NR1H4: variants seen among roughly 807,000 people sequenced by gnomAD.
NR1H4 encodes the protein nuclear receptor subfamily 1 group H member 4, also known as bile acid receptor.
NR1H4 carries 23 observed loss-of-function variants against 58.5 expected under a neutral mutation model. That is an observed-to-expected ratio of 0.39 (90% CI 0.28 to 0.56). NR1H4 has a LOEUF of 0.56. Ranked by LOEUF, NR1H4 falls within the 20% of genes least tolerant of loss-of-function variation. NR1H4 has a pLI of 0.58. For missense variants in NR1H4, 487 were observed against 576.9 expected (o/e 0.84, Z 1.60); for synonymous variants, 214 against 198.0 (o/e 1.08, Z -0.68).
chr12:100,534,450 A>G (rs1954767930), intron 5 of NR1H4, among the ~76,000 whole-genome samples: 1 of 152,192 alleles, frequency 6.6e-6, no homozygotes, highest in South Asian at 2.1e-4. Context: ...AATAATATTA[A>G]TGGCATGTTT....
chr12:100,524,180 G>A (rs763893974), intron 4 of NR1H4, among the ~76,000 whole-genome samples: 5 of 152,070 alleles, frequency 3.3e-5, no homozygotes, highest in South Asian at 2.1e-4. Flanking sequence ...TAAAAGAAAC[G>A]TCTTAAAGCA....
intron 3 of NR1H4, among the ~76,000 whole-genome samples, chr12:100,504,059 G>GC (rs1555332317): frequency 6.6e-6 from 1 of 151,430 alleles, no homozygotes; most frequent in African/African-American, 2.4e-5. Flanking sequence ...GTAGGTTGTG[G>GC]TAAAAAAAAA....
chr12:100,534,853 C>G (rs985356761), intron 5 of NR1H4, 37 bp from the exon 6 acceptor site: 9 of 1,613,570 alleles, frequency 5.6e-6, no homozygotes, highest in Non-Finnish European at 7.6e-6. Flanking sequence ...ACAGTACTTT[C>G]TGTGATTGGT....
chr12:100,476,181 C>T (rs982241169), intron 1 of NR1H4, among the ~76,000 whole-genome samples: 2 of 152,172 alleles, frequency 1.3e-5, no homozygotes, highest in Non-Finnish European at 2.9e-5. Context: ...CCTGGCTACT[C>T]TGATATTGGC....
Position 100,500,864 on chromosome 12 carries a change from T to A in NR1H4, c.79+7462T>A, listed in dbSNP as rs112262553. Among the ~76,000 whole-genome samples the A allele has an allele frequency of 7.3e-3, 1,114 of 152,286 alleles. 12 individuals carry two copies. Among genetic ancestry groups the A allele is most frequent in the African/African-American group, 0.026 (1,067 of 41,566 alleles). ...GAACTGTGAGTCAATTAAACCTTTT[T>A]TCTTCATAAATTGCCCAGTCTTGGA... On this transcript the variant is annotated intron_variant, in intron 3 of 10. Coordinates refer to ENST00000392986, the MANE Select transcript of NR1H4 (RefSeq NM_001206979.2).
chr12:100,532,716 T>A, intron 5 of NR1H4, 106 bp downstream of exon 5: 1 of 983,276 alleles, frequency 1.0e-6, no homozygotes, highest in Non-Finnish European at 1.5e-6. Flanking sequence ...AGGAACCTAC[T>A]AAGCCATCTA....
intron 6 of NR1H4, among the ~76,000 whole-genome samples, chr12:100,535,371 A>G (rs1339628832): frequency 1.3e-5 from 2 of 152,244 alleles, no homozygotes; most frequent in Non-Finnish European, 2.9e-5. Flanking sequence ...TGGGAAGAAC[A>G]TGGTCTCAAT....
chr12:100,479,076 G>C (rs1475049585), intron 1 of NR1H4, among the ~76,000 whole-genome samples: 1 of 151,796 alleles, frequency 6.6e-6, no homozygotes, highest in Non-Finnish European at 1.5e-5. Context: ...CTCTTGGGTT[G>C]TTTATCCTTT....
intron 9 of NR1H4, among the ~76,000 whole-genome samples, chr12:100,559,860 C>T (rs1455864683): frequency 6.6e-6 from 1 of 152,206 alleles, no homozygotes; most frequent in African/African-American, 2.4e-5. Flanking sequence ...CTGGTGGGGA[C>T]GTGGAGAGTC....
intron 9 of NR1H4, among the ~76,000 whole-genome samples, chr12:100,544,715 C>T (rs1955019408): frequency 6.6e-6 from 1 of 152,034 alleles, no homozygotes. Context: ...GAAGGTTTGT[C>T]CGGAGCTATA....
intron 4 of NR1H4, among the ~76,000 whole-genome samples, chr12:100,519,687 A>G (rs1213322190): frequency 6.6e-6 from 1 of 152,178 alleles, no homozygotes; most frequent in African/African-American, 2.4e-5. Context: ...AGGAAAGGGC[A>G]TAAGAATCCT....
At chr12:100,549,120 C>T (rs570785223) in intron 9 of NR1H4, among the ~76,000 whole-genome samples, 33 of 152,184 alleles carry the variant, frequency 2.2e-4, no homozygotes, top group African/African-American at 7.2e-4. Flanking sequence ...GGGCAGATCA[C>T]GAGGTCACAA....
chr12:100,537,973 G>A (rs1209881416), intron 8 of NR1H4, among the ~76,000 whole-genome samples: 9 of 152,182 alleles, frequency 5.9e-5, no homozygotes, highest in Non-Finnish European at 1.0e-4. Context: ...CTTGGCCAAA[G>A]TGCTGGGATT....
rs760090636 is a variant in NR1H4, at chr12:100,510,766, A to G, written c.80-12A>G. The G allele has an allele frequency of 7.3e-5, 118 of 1,613,718 alleles. No homozygotes were observed. The highest frequency in any genetic ancestry group is 9.6e-5 in the Non-Finnish European group (113 of 1,179,872). On this transcript the variant is annotated splice_polypyrimidine_tract_variant and intron_variant, in intron 3 of 10. Transcript: ENST00000392986. ...TGACATTCATTCCAGTTTTGTTGTCACTTTTGTTCAGGTGTTTTAACAGAA... is the reference window on the plus strand; with the variant it reads ...TGACATTCATTCCAGTTTTGTTGTCGCTTTTGTTCAGGTGTTTTAACAGAA...
At chr12:100,539,526 A>G (rs1305732704) in intron 8 of NR1H4, among the ~76,000 whole-genome samples, 1 of 152,154 alleles carries the variant, frequency 6.6e-6, no homozygotes, top group Admixed American at 6.5e-5. Flanking sequence ...TTTGCTATTT[A>G]GTTCTTCCCA....
In NR1H4 at chr12:100,478,862, G is replaced by A. The variant is rs529582580; in HGVS notation, c.-190+4803G>A. Among the ~76,000 whole-genome samples, 7 of 152,216 alleles carry A rather than the reference G, an allele frequency of 4.6e-5. No homozygotes were observed. The South Asian group carries it at 1.2e-3, about 27-fold the overall frequency. On this transcript the variant is annotated intron_variant, in intron 1 of 10. Transcript: ENST00000392986. ...AAGACTAAAACCTATGCCCCCACTAGCAATATGTGAGAATGCATATTTTCA... is the reference window on the plus strand; with the variant it reads ...AAGACTAAAACCTATGCCCCCACTAACAATATGTGAGAATGCATATTTTCA...
At chr12:100,556,656 G>A (rs73155616) in intron 9 of NR1H4, among the ~76,000 whole-genome samples, 181 of 152,248 alleles carry the variant, frequency 1.2e-3, no homozygotes, top group Non-Finnish European at 2.3e-3. Flanking sequence ...TTTCACCAAA[G>A]GCAATTTGGG....
intron 1 of NR1H4, among the ~76,000 whole-genome samples, 176 bp downstream of exon 1, chr12:100,474,235 A>C (rs1953220930): frequency 6.6e-6 from 1 of 152,250 alleles, no homozygotes. Context: ...AAAAACAAAA[A>C]GAAGCAGAAG....
chr12:100,532,108 CA>C (rs1363921301), intron 4 of NR1H4, among the ~76,000 whole-genome samples: 1 of 152,138 alleles, frequency 6.6e-6, no homozygotes, highest in African/African-American at 2.4e-5. Context: ...TCTTGGAGCC[CA>C]GGGGTGAATT....
Sources: gnomAD v4.1 joint callset for allele counts (sites outside exome capture counted in the v4.1 genomes callset) on GRCh38, gnomAD v4.1.1 for gene constraint, MANE v1.5 for transcripts, NCBI Gene and HGNC (gene_info 2026-07-23, HGNC 2026-07-21) for gene names.